Variants in WWOX observed in about 807,000 individuals in gnomAD.
WWOX encodes WW domain containing oxidoreductase, also known as WW domain-containing oxidoreductase.
In WWOX, 69 loss-of-function variants were observed where a neutral mutation model predicts 46.2. That is an observed-to-expected ratio of 1.49 (90% confidence interval 1.23 to 1.82). WWOX has a LOEUF of 1.82. Among genes scored for constraint, WWOX ranks in the 40% most tolerant of loss-of-function variants. The pLI, the probability that WWOX is intolerant of heterozygous loss-of-function variation, is 0.00. For missense variants in WWOX, 919 were observed against 542.6 expected (o/e 1.69, Z -6.89); for synonymous variants, 359 against 202.6 (o/e 1.77, Z -6.56).
At chr16:78,661,704 A>T (rs181397578) in intron 8 of WWOX, among the ~76,000 whole-genome samples, 2 of 152,300 alleles carry the variant, frequency 1.3e-5, no homozygotes, top group Admixed American at 1.3e-4. Flanking sequence ...AGGGAAGGGC[A>T]GTGCAAATTG....
chr16:78,280,680 C>T (rs1370426420), intron 5 of WWOX, among the ~76,000 whole-genome samples: 2 of 152,098 alleles, frequency 1.3e-5, no homozygotes, highest in East Asian at 3.9e-4. Context: ...GGAGGTGCCC[C>T]ACTTTTAACC....
intron 8 of WWOX, among the ~76,000 whole-genome samples, chr16:78,846,749 A>G (rs35726980): frequency 6.6e-6 from 1 of 152,100 alleles, no homozygotes; most frequent in East Asian, 1.9e-4. Context: ...ACTACTTCTC[A>G]AATTTTCATC....
intron 5 of WWOX, among the ~76,000 whole-genome samples, chr16:78,227,520 G>A (rs769800947): frequency 2.0e-5 from 3 of 152,184 alleles, no homozygotes; most frequent in Non-Finnish European, 4.4e-5. Flanking sequence ...GTGGTTAAAT[G>A]TATGTGTCCA....
chr16:78,401,722 C>T (rs183188705), intron 6 of WWOX, among the ~76,000 whole-genome samples: 73 of 151,760 alleles, frequency 4.8e-4, no homozygotes, highest in Admixed American at 4.2e-3. Context: ...TTTTTTGAGA[C>T]GGAGTCTTGC....
At position 79,091,615 on chromosome 16, in the gene WWOX, C is replaced by A. The variant is rs1264063671; in HGVS notation, c.1057-119993C>A. 2.6e-5 allele frequency among the ~76,000 whole-genome samples: 4 copies of A among 152,158 alleles called. 1 individual carries two copies. Among genetic ancestry groups the A allele is most frequent in the Admixed American group, 2.6e-4 (4 of 15,266 alleles). ...GGGAACTGTGCCCTTTGCAAGAGAG[C>A]AGTTTTAAAGTACCCTCGGGCAATT... is the stretch of plus-strand genomic sequence containing the variant. On this transcript the variant is annotated intron_variant, in intron 8 of 8. Transcript: ENST00000566780.
At chr16:78,711,679 C>G (rs950098271) in intron 8 of WWOX, among the ~76,000 whole-genome samples, 2 of 152,106 alleles carry the variant, frequency 1.3e-5, no homozygotes, top group African/African-American at 4.8e-5. Flanking sequence ...ATGAAAGAAC[C>G]TTCCATAAGG....
chr16:79,122,399 C>G (rs1013793753), intron 8 of WWOX, among the ~76,000 whole-genome samples: 1 of 152,130 alleles, frequency 6.6e-6, no homozygotes, highest in Admixed American at 6.5e-5. Flanking sequence ...ATATTAAGAA[C>G]GGAGAAAAGG....
chr16:79,035,426 AG>A (rs2047846822), intron 8 of WWOX, among the ~76,000 whole-genome samples: 1 of 151,998 alleles, frequency 6.6e-6, no homozygotes, highest in Non-Finnish European at 1.5e-5. Flanking sequence ...TGCTGTGAAC[AG>A]GGCTAATGGT....
intron 5 of WWOX, among the ~76,000 whole-genome samples, chr16:78,260,053 A>G (rs2038237968): frequency 6.6e-6 from 1 of 151,134 alleles, no homozygotes; most frequent in South Asian, 2.1e-4. Context: ...AGGCGTTGCC[A>G]GAGAACTTAC....
chr16:78,156,468 C>G (rs1021208250), intron 4 of WWOX, among the ~76,000 whole-genome samples: 3 of 152,122 alleles, frequency 2.0e-5, no homozygotes, highest in Admixed American at 6.5e-5. Flanking sequence ...TTGAAACAGC[C>G]TGGATTGTTT....
intron 8 of WWOX, among the ~76,000 whole-genome samples, chr16:78,672,617 A>T (rs2047493979): frequency 6.6e-6 from 1 of 152,244 alleles, no homozygotes; most frequent in South Asian, 2.1e-4. Flanking sequence ...CAACTTGCAG[A>T]ACCAGATCTT....
intron 8 of WWOX, among the ~76,000 whole-genome samples, chr16:78,800,622 C>T (rs1236616377): frequency 6.6e-6 from 1 of 152,176 alleles, no homozygotes; most frequent in Non-Finnish European, 1.5e-5. Flanking sequence ...AAATGGCTTG[C>T]AGTGGCAGCT....
chr16:78,147,550 G>T (rs2034240512), intron 4 of WWOX, among the ~76,000 whole-genome samples: 2 of 152,072 alleles, frequency 1.3e-5, no homozygotes, highest in Admixed American at 1.3e-4. Flanking sequence ...TGTGTTTTGA[G>T]CACTTCCACG....
At chr16:78,559,414 A>C (rs2044380755) in intron 8 of WWOX, among the ~76,000 whole-genome samples, 2 of 152,208 alleles carry the variant, frequency 1.3e-5, no homozygotes, top group African/African-American at 4.8e-5. Context: ...CTGAGTGTCG[A>C]GGAGCAAGTA....
At chr16:78,922,380 A>AT (rs33954701) in intron 8 of WWOX, among the ~76,000 whole-genome samples, 2,838 of 137,476 alleles carry the variant, frequency 0.021, 106 homozygotes, top group East Asian at 0.13. Context: ...TATTTCAGTG[A>AT]TTTTTTTTTT....
intron 8 of WWOX, among the ~76,000 whole-genome samples, chr16:79,073,685 G>T (rs139655844): frequency 8.8e-4 from 134 of 152,214 alleles, no homozygotes; most frequent in African/African-American, 2.9e-3. Flanking sequence ...TTCCCTGCTT[G>T]CCTTTGCAGC....
chr16:79,018,341 A>G (rs1343237643), intron 8 of WWOX, among the ~76,000 whole-genome samples: 3 of 152,228 alleles, frequency 2.0e-5, no homozygotes, highest in African/African-American at 7.2e-5. Context: ...CTTTGGAGCC[A>G]AAGCCAAATA....
chr16:78,968,750 T>C (rs1333386083), intron 8 of WWOX, among the ~76,000 whole-genome samples: 1 of 152,202 alleles, frequency 6.6e-6, no homozygotes, highest in African/African-American at 2.4e-5. Flanking sequence ...GTTTTAGGAA[T>C]CATTAGCATG....
chr16:78,499,151 T>G (rs1467535551), intron 8 of WWOX, among the ~76,000 whole-genome samples: 1 of 152,026 alleles, frequency 6.6e-6, no homozygotes, highest in Non-Finnish European at 1.5e-5. Flanking sequence ...TCTTTCCTCG[T>G]GATGCACGGT....
Sources: allele counts gnomAD v4.1 joint callset (sites outside exome capture counted in the v4.1 genomes callset), GRCh38; gene constraint gnomAD v4.1.1; transcripts MANE v1.5; gene names NCBI Gene and HGNC (gene_info 2026-07-23, HGNC 2026-07-21).